The following FBXL4 variants were observed in gnomAD, a reference collection of about 807,000 sequenced individuals.
FBXL4 encodes the protein F-box/LRR-repeat protein 4.
In FBXL4, 40 loss-of-function variants were observed where a neutral mutation model predicts 58.9. The ratio of observed to expected loss-of-function variants is 0.68; its 90% CI spans 0.53 to 0.88. FBXL4 has a LOEUF of 0.88. FBXL4 is among the 40% of genes least tolerant of loss of function. FBXL4 has a pLI of 0.00. For missense variants in FBXL4, 676 were observed against 734.4 expected (o/e 0.92, Z 0.92); for synonymous variants, 263 against 265.5 (o/e 0.99, Z 0.09).
intron 4 of FBXL4, among the ~76,000 whole-genome samples, chr6:98,919,163 C>T (rs1015197950): frequency 3.3e-5 from 5 of 152,068 alleles, no homozygotes; most frequent in Non-Finnish European, 7.4e-5. Flanking sequence ...GAAAAGCATA[C>T]AGCCACAATC....
chr6:98,899,525 T>C (rs373015667), intron 6 of FBXL4, 44 bp from the exon 7 acceptor site: 2 of 1,575,478 alleles, frequency 1.3e-6, no homozygotes, highest in African/African-American at 2.8e-5. Flanking sequence ...AACTAAAAGA[T>C]ATTTTTGCAA....
intron 1 of FBXL4, among the ~76,000 whole-genome samples, chr6:98,938,776 T>C (rs1562252409): frequency 6.6e-6 from 1 of 152,000 alleles, no homozygotes; most frequent in African/African-American, 2.4e-5. Flanking sequence ...ATAGGGCACT[T>C]TGTCTGCATT....
At position 98,910,650 on chromosome 6, in the gene FBXL4, C is replaced by G. The variant is rs1200797201; in HGVS notation, c.859-4980G>C. On this transcript the variant is annotated intron_variant, in intron 5 of 9. Coordinates refer to ENST00000369244, the MANE Select transcript of FBXL4 (RefSeq NM_001278716.2). ...CCAGCCTGGGCAACAGAGCGAGACT[C>G]CATCTCGAAAAAAAAAAGAAAAAAA... Among the ~76,000 whole-genome samples the G allele has an allele frequency of 2.0e-5, 3 of 151,178 alleles. No individual in the cohort carries two copies. The East Asian group carries it at 5.9e-4, about 30-fold the overall frequency.
chr6:98,912,760 T>C (rs1019853961), intron 5 of FBXL4, among the ~76,000 whole-genome samples: 2 of 148,594 alleles, frequency 1.3e-5, no homozygotes, highest in African/African-American at 5.0e-5. Flanking sequence ...AGGAAGAAAC[T>C]GCATCAACTA....
chr6:98,906,784 C>A (rs1388607129), intron 5 of FBXL4, among the ~76,000 whole-genome samples: 1 of 152,196 alleles, frequency 6.6e-6, no homozygotes, highest in African/African-American at 2.4e-5. Flanking sequence ...TACACTCCCA[C>A]CAACAGTGTA....
chr6:98,890,698 C>T (rs1380303693), intron 7 of FBXL4, among the ~76,000 whole-genome samples: 2 of 152,120 alleles, frequency 1.3e-5, no homozygotes, highest in Non-Finnish European at 2.9e-5. Flanking sequence ...GCCGGCAGAT[C>T]ACTTGAGGTC....
intron 1 of FBXL4, among the ~76,000 whole-genome samples, chr6:98,936,423 C>A (rs1272000155): frequency 1.3e-5 from 2 of 152,126 alleles, no homozygotes; most frequent in South Asian, 4.1e-4. Context: ...TATGGCTAAC[C>A]CTTAACACAG....
Position 98,926,946 on chromosome 6 carries a change from A to T in FBXL4, c.43T>A (p.Tyr15Asn). ...FPMLTVLTMF[Y>N]YICLRRRART... ...GCTCGGCGCCGAAGGCATATATAAT[A>T]AAACATGGTCAGAACTGTTAACATG... The change falls in exon 4 of 10, where the codon TAT (tyrosine) becomes AAT (asparagine). Residue 15 changes from tyrosine (Y) to asparagine (N), a missense_variant. Coordinates refer to ENST00000369244, the MANE Select transcript of FBXL4 (RefSeq NM_001278716.2). The T allele has an allele frequency of 6.2e-7, 1 of 1,614,180 alleles. No homozygotes were observed.
intron 2 of FBXL4, among the ~76,000 whole-genome samples, chr6:98,929,527 T>C (rs532385951): frequency 1.4e-5 from 2 of 145,788 alleles, no homozygotes; most frequent in Non-Finnish European, 3.0e-5. Context: ...GCCAAGATCA[T>C]GCCATTGCAC....
chr6:98,893,548 GT>G (rs1328808215), intron 7 of FBXL4, among the ~76,000 whole-genome samples: 3 of 152,156 alleles, frequency 2.0e-5, no homozygotes, highest in Non-Finnish European at 1.5e-5. Context: ...CTCAAATACA[GT>G]CACATTCTTA....
At chr6:98,938,846 G>A (rs1368131268) in intron 1 of FBXL4, among the ~76,000 whole-genome samples, 3 of 151,956 alleles carry the variant, frequency 2.0e-5, no homozygotes, top group Non-Finnish European at 4.4e-5. Flanking sequence ...ACTTTGGGAG[G>A]CCAAGGCAGA....
intron 7 of FBXL4, among the ~76,000 whole-genome samples, chr6:98,890,721 C>T (rs746930973): frequency 6.6e-6 from 1 of 152,108 alleles, no homozygotes; most frequent in African/African-American, 2.4e-5. Context: ...GAGTTCAAGA[C>T]CAGCCTGGCA....
Position 98,870,091 on chromosome 6 carries a change from A to G in FBXL4, c.*4187T>C, listed in dbSNP as rs1245831248. The G allele has an allele frequency of 6.6e-6, 1 of 152,226 alleles. No homozygotes were observed. Among genetic ancestry groups the G allele is most frequent in the African/African-American group, 2.4e-5 (1 of 41,462 alleles). 9.4% of individuals were successfully genotyped at this position (152,226 alleles called of 1,614,324 possible). ...CTACATAAATATCTTTCTTGTCTAC[A>G]CATCTTTCTTGTTATGGTAAACATT... is the stretch of plus-strand genomic sequence containing the variant. On this transcript the variant is annotated 3_prime_UTR_variant, in exon 10 of 10. Coordinates refer to ENST00000369244, the MANE Select transcript of FBXL4 (RefSeq NM_001278716.2).
chr6:98,923,960 C>A (rs1034738513), intron 4 of FBXL4, among the ~76,000 whole-genome samples: 1 of 151,698 alleles, frequency 6.6e-6, no homozygotes, highest in African/African-American at 2.4e-5. Flanking sequence ...ATATTGGTCA[C>A]CTTTTTTTCT....
intron 8 of FBXL4, among the ~76,000 whole-genome samples, chr6:98,879,880 T>C (rs889366669): frequency 2.1e-5 from 3 of 146,256 alleles, no homozygotes; most frequent in South Asian, 2.1e-4. Context: ...GAGACGGAGA[T>C]TGCAGTGAGT....
At chr6:98,899,604 A>G in intron 6 of FBXL4, 123 bp from the exon 7 acceptor site, 2 of 1,211,280 alleles carry the variant, frequency 1.7e-6, no homozygotes, top group Non-Finnish European at 2.2e-6. Context: ...GGGAAAATGT[A>G]AAATTTGTTT....
rs761003289 is a variant in FBXL4 at position 98,926,496 on chromosome 6, T to G, written c.493A>C (p.Asn165His). The change falls in exon 4 of 10, where the codon AAT becomes CAT. Residue 165 changes from asparagine (N) to histidine (H), a missense_variant. Asn to His is a moderately conservative substitution (Grantham distance 68). Coordinates refer to ENST00000369244, the MANE Select transcript of FBXL4 (RefSeq NM_001278716.2). ...TCTTACCTTACTTCAGCTGGTGGAT[T>G]TGGGGAATAAGGATTTGCAGAACAA... Reference protein sequence around the residue: ...LACSANPYSPNPPAEVRWEIL... With the variant: ...LACSANPYSPHPPAEVRWEIL... 1.7e-5 allele frequency: 28 copies of G among 1,607,276 alleles called. No individual in the cohort carries two copies. The highest frequency in any genetic ancestry group is 2.1e-5 in the Non-Finnish European group (25 of 1,175,100).
intron 2 of FBXL4, among the ~76,000 whole-genome samples, chr6:98,934,083 A>G (rs771667791): frequency 7.9e-5 from 12 of 152,220 alleles, no homozygotes; most frequent in Non-Finnish European, 1.3e-4. Context: ...GAATACATAA[A>G]AGAGTCTTGA....
intron 5 of FBXL4, among the ~76,000 whole-genome samples, chr6:98,910,656 CG>C: frequency 6.9e-6 from 1 of 145,270 alleles, no homozygotes; most frequent in Non-Finnish European, 1.5e-5. Flanking sequence ...GACTCCATCT[CG>C]AAAAAAAAAA....
Sources: allele counts gnomAD v4.1 joint callset (sites outside exome capture counted in the v4.1 genomes callset), GRCh38; gene constraint gnomAD v4.1.1; transcripts MANE v1.5; gene names NCBI Gene and HGNC (gene_info 2026-07-23, HGNC 2026-07-21).